TRAPPC9: variants seen among roughly 807,000 people sequenced by gnomAD.
TRAPPC9 encodes the protein IKK2 binding protein.
Under a neutral mutation model 124.0 loss-of-function variants are expected in TRAPPC9, and 83 were observed. That is an observed-to-expected ratio of 0.67 (90% CI 0.56 to 0.80). TRAPPC9 has a LOEUF of 0.80. TRAPPC9 is among the 30% of genes least tolerant of loss of function. The pLI is 0.00. For synonymous variants in TRAPPC9, 638 were observed against 617.5 expected (o/e 1.03, Z -0.49); for missense variants, 1,302 against 1,508.3 (o/e 0.86, Z 2.27).
chr8:140,333,123 C>T (rs983745355), intron 9 of TRAPPC9, among the ~76,000 whole-genome samples: 1 of 83,610 alleles, frequency 1.2e-5, no homozygotes, highest in Non-Finnish European at 2.3e-5. Context: ...GAGACTTTGT[C>T]TCAAAAAAAA....
At chr8:139,917,851 G>A (rs1028008621) in intron 19 of TRAPPC9, among the ~76,000 whole-genome samples, 3 of 152,224 alleles carry the variant, frequency 2.0e-5, no homozygotes, top group Admixed American at 6.5e-5. Context: ...GGGCACACAT[G>A]CTGACAGGTG....
At chr8:140,101,850 T>C (rs1297118577) in intron 17 of TRAPPC9, among the ~76,000 whole-genome samples, 2 of 151,790 alleles carry the variant, frequency 1.3e-5, no homozygotes, top group Admixed American at 6.6e-5. Context: ...TGGTTTTTTG[T>C]TTATTTTTTG....
chr8:139,880,595 T>A (rs1040944643), intron 21 of TRAPPC9, among the ~76,000 whole-genome samples: 2 of 152,166 alleles, frequency 1.3e-5, no homozygotes, highest in African/African-American at 4.8e-5. Context: ...AAATCCAAGT[T>A]CCAACAGTGC....
chr8:139,931,217 T>G (rs1238694728), intron 19 of TRAPPC9: 2 of 152,164 alleles, frequency 1.3e-5, no homozygotes, highest in Non-Finnish European at 2.9e-5. Context: ...CATAGACAAC[T>G]GCCACTCACT....
At chr8:140,052,698 C>A (rs919475484) in intron 17 of TRAPPC9, among the ~76,000 whole-genome samples, 3 of 151,954 alleles carry the variant, frequency 2.0e-5, no homozygotes, top group Admixed American at 1.3e-4. Flanking sequence ...AGGAGAATTG[C>A]TTGAACCCGG....
chr8:140,290,266 A>G (rs928423572), intron 12 of TRAPPC9, among the ~76,000 whole-genome samples: 5 of 152,136 alleles, frequency 3.3e-5, no homozygotes, highest in Admixed American at 6.5e-5. Context: ...TAAAACTCTA[A>G]AAGACAACAT....
chr8:140,072,652 G>A (rs547980907), intron 17 of TRAPPC9, among the ~76,000 whole-genome samples: 17 of 151,472 alleles, frequency 1.1e-4, no homozygotes, highest in African/African-American at 3.2e-4. Context: ...GCAAGCCACA[G>A]ATATACACTA....
At chr8:140,001,200 G>A (rs1838372468) in intron 18 of TRAPPC9, among the ~76,000 whole-genome samples, 1 of 152,164 alleles carries the variant, frequency 6.6e-6, no homozygotes, top group South Asian at 2.1e-4. Flanking sequence ...CATGGACACA[G>A]GGTGGAGAAC....
chr8:139,963,944 G>C (rs755796997), intron 19 of TRAPPC9, among the ~76,000 whole-genome samples: 2 of 152,132 alleles, frequency 1.3e-5, no homozygotes, highest in Admixed American at 6.5e-5. Flanking sequence ...TTTGTTTTTA[G>C]CCAGGCACGG....
chr8:140,169,110 G>A (rs1336341079), intron 17 of TRAPPC9, among the ~76,000 whole-genome samples: 1 of 152,128 alleles, frequency 6.6e-6, no homozygotes, highest in Non-Finnish European at 1.5e-5. Flanking sequence ...CATCTCTGAG[G>A]AAGCTGGGAA....
rs1439491034 is a variant in TRAPPC9 at position 140,104,973 on chromosome 8, C to T, written c.2557-80894G>A. On this transcript the variant is annotated intron_variant, in intron 17 of 22. Transcript: ENST00000438773. This position sits in a 1 kb window ranked among gnomAD's most constrained non-coding sequence, Gnocchi z 4.0. ...TGCATCGTGGCAGGGTCCCACTCAG[C>T]AGCAGCCCTGACTGCGTGGCTCCTG... is the stretch of plus-strand genomic sequence containing the variant. Among the ~76,000 whole-genome samples the T allele has an allele frequency of 6.6e-6, 1 of 152,200 alleles. No individual in the cohort carries two copies. Among genetic ancestry groups the T allele is most frequent in the East Asian group, 1.9e-4 (1 of 5,196 alleles).
intron 7 of TRAPPC9, among the ~76,000 whole-genome samples, chr8:140,378,350 CA>C (rs1254163635): frequency 6.6e-6 from 1 of 152,086 alleles, no homozygotes; most frequent in African/African-American, 2.4e-5. Context: ...CATCTGCTGC[CA>C]GCGCAGCTAA....
chr8:140,285,860 G>A (rs2065468336), intron 13 of TRAPPC9, among the ~76,000 whole-genome samples: 1 of 152,166 alleles, frequency 6.6e-6, no homozygotes, highest in African/African-American at 2.4e-5. Flanking sequence ...ACTTGGGGCA[G>A]CACACCCTCA....
intron 17 of TRAPPC9, among the ~76,000 whole-genome samples, chr8:140,157,400 T>TTTCCATTCAGAAGCCTCC (rs2061672956): frequency 6.6e-6 from 1 of 152,072 alleles, no homozygotes; most frequent in Admixed American, 6.6e-5. Flanking sequence ...AAGCCTTCCT[T>TTTCCATTCAGAAGCCTCC]CTCTTCTTTC....
At chr8:139,951,026 GCCAGAC>G (rs1486947788) in intron 19 of TRAPPC9, among the ~76,000 whole-genome samples, 2 of 152,166 alleles carry the variant, frequency 1.3e-5, no homozygotes, top group African/African-American at 4.8e-5. Flanking sequence ...CTTGGAGTCA[GCCAGAC>G]CCAGGCGCGC....
At chr8:140,327,940 T>G (rs1440455869) in intron 9 of TRAPPC9, among the ~76,000 whole-genome samples, 1 of 152,154 alleles carries the variant, frequency 6.6e-6, no homozygotes, top group East Asian at 1.9e-4. Context: ...CTTACCACAG[T>G]TTTCAAAATC....
chr8:140,388,252 T>C (rs1299318451), intron 7 of TRAPPC9, among the ~76,000 whole-genome samples: 2 of 143,278 alleles, frequency 1.4e-5, no homozygotes, highest in African/African-American at 2.6e-5. Flanking sequence ...GTGGGAGGGA[T>C]AGCATTAGGA....
intron 21 of TRAPPC9, among the ~76,000 whole-genome samples, chr8:139,733,928 G>A (rs1817995709): frequency 6.6e-6 from 1 of 152,212 alleles, no homozygotes; most frequent in Non-Finnish European, 1.5e-5. Flanking sequence ...GCCAGAGCAG[G>A]CAACTTCAGG....
At chr8:139,971,652 T>A (rs1056183863) in intron 19 of TRAPPC9, among the ~76,000 whole-genome samples, 1 of 152,024 alleles carries the variant, frequency 6.6e-6, no homozygotes, top group East Asian at 1.9e-4. Flanking sequence ...CAGGCGTGCC[T>A]GGCAAGATGA....
Sources: gnomAD v4.1 joint callset for allele counts (sites outside exome capture counted in the v4.1 genomes callset) on GRCh38, gnomAD v4.1.1 for gene constraint, Gnocchi (gnomAD v3.1) non-coding constraint, MANE v1.5 for transcripts, NCBI Gene and HGNC (gene_info 2026-07-23, HGNC 2026-07-21) for gene names.